The following TENM2 variants were observed in gnomAD, a reference collection of about 807,000 sequenced individuals.
TENM2 encodes the protein teneurin transmembrane protein 2, also known as teneurin-2.
A neutral mutation model predicts 245.2 loss-of-function variants in TENM2; 52 were observed. That is an observed-to-expected ratio of 0.21 (90% CI 0.17 to 0.27). The LOEUF is 0.27. Ranked by LOEUF, TENM2 falls within the 10% of genes least tolerant of loss-of-function variation. The pLI, the probability that TENM2 is intolerant of heterozygous loss-of-function variation, is 1.00. For missense variants in TENM2, 3,046 were observed against 3,666.8 expected, an observed-to-expected ratio of 0.83 and a Z score of 4.37; for synonymous variants, 1,363 against 1,438.9, an observed-to-expected ratio of 0.95 and a Z score of 1.19.
intron 2 of TENM2, among the ~76,000 whole-genome samples, chr5:167,820,370 A>G (rs1453890772): frequency 6.6e-6 from 1 of 152,194 alleles, no homozygotes; most frequent in Non-Finnish European, 1.5e-5. Flanking sequence ...CGCTTTGTGC[A>G]GGCTTGCTGA....
the TENM2 span, among the ~76,000 whole-genome samples, chr5:167,068,693 A>G: frequency 6.6e-6 from 1 of 152,086 alleles, no homozygotes. Flanking sequence ...TTGAAATGGT[A>G]TCACATACAT....
At chr5:168,065,765 G>A (rs372341783) in intron 7 of TENM2, among the ~76,000 whole-genome samples, 3 of 149,546 alleles carry the variant, frequency 2.0e-5, no homozygotes, top group African/African-American at 7.4e-5. Flanking sequence ...TTTGCTAAAT[G>A]TTTATATATT....
At chr5:168,182,424 G>A (rs748997744) in intron 13 of TENM2, among the ~76,000 whole-genome samples, 8 of 152,112 alleles carry the variant, frequency 5.3e-5, no homozygotes, top group African/African-American at 1.7e-4. Context: ...CCTTCTTAGA[G>A]CACCTCTGTG....
chr5:167,290,582 A>G (rs1050478056), intron 1 of TENM2, among the ~76,000 whole-genome samples: 3 of 152,180 alleles, frequency 2.0e-5, no homozygotes, highest in Non-Finnish European at 4.4e-5. Flanking sequence ...TCAAACTCAG[A>G]ACTTTTTTCC....
At chr5:167,874,463 A>C (rs537367283) in intron 2 of TENM2, among the ~76,000 whole-genome samples, 1 of 152,316 alleles carries the variant, frequency 6.6e-6, no homozygotes, top group African/African-American at 2.4e-5. Context: ...TCAGCAGTAC[A>C]TCTAAAAGCA....
the TENM2 span, among the ~76,000 whole-genome samples, chr5:167,161,736 A>G: frequency 6.6e-6 from 1 of 152,324 alleles, no homozygotes; most frequent in South Asian, 2.1e-4. Flanking sequence ...TGTTAAATTG[A>G]AACACTGTAA....
At chr5:167,923,822 G>A (rs1483781158) in intron 3 of TENM2, among the ~76,000 whole-genome samples, 1 of 152,032 alleles carries the variant, frequency 6.6e-6, no homozygotes, top group African/African-American at 2.4e-5. Context: ...ACTGTCTTAT[G>A]TTGTCCCACC....
At chr5:167,079,679 T>C in the TENM2 span, among the ~76,000 whole-genome samples, 8 of 152,112 alleles carry the variant, frequency 5.3e-5, no homozygotes, top group South Asian at 6.2e-4. Flanking sequence ...CACATCGGTA[T>C]GTGAAATGCC....
chr5:168,201,164 C>T (rs1017603443), intron 17 of TENM2, among the ~76,000 whole-genome samples: 2 of 151,952 alleles, frequency 1.3e-5, no homozygotes, highest in Non-Finnish European at 2.9e-5. Context: ...CAGAATACAG[C>T]CCTGGGGGTC....
chr5:168,214,397 A>G (rs1763017078), intron 20 of TENM2, among the ~76,000 whole-genome samples: 1 of 152,218 alleles, frequency 6.6e-6, no homozygotes, highest in Admixed American at 6.5e-5. Context: ...TGAAAAGTGC[A>G]TCTCCTGTCT....
At chr5:168,224,585 C>T (rs1026098301) in intron 23 of TENM2, among the ~76,000 whole-genome samples, 6 of 152,142 alleles carry the variant, frequency 3.9e-5, no homozygotes, top group Non-Finnish European at 8.8e-5. Context: ...CAGGCCACAG[C>T]GGTCCTTTCC....
chr5:168,112,513 C>T (rs1178198488), intron 9 of TENM2, among the ~76,000 whole-genome samples: 1 of 149,814 alleles, frequency 6.7e-6, no homozygotes, highest in Non-Finnish European at 1.5e-5. Context: ...TAATGGCCTC[C>T]AGCTCCATCC....
At chr5:167,673,971 G>C (rs1240235181) in intron 2 of TENM2, among the ~76,000 whole-genome samples, 1 of 152,104 alleles carries the variant, frequency 6.6e-6, no homozygotes, top group African/African-American at 2.4e-5. Flanking sequence ...GAATAACTGA[G>C]ATAGCATGGG....
chr5:167,819,967 A>G (rs1767382218), intron 2 of TENM2, among the ~76,000 whole-genome samples: 1 of 152,114 alleles, frequency 6.6e-6, no homozygotes, highest in Non-Finnish European at 1.5e-5. Context: ...TCAATCTTCC[A>G]TGAATTCATC....
At chr5:167,958,008 A>G (rs570177587) in intron 4 of TENM2, among the ~76,000 whole-genome samples, 1 of 152,302 alleles carries the variant, frequency 6.6e-6, no homozygotes, top group African/African-American at 2.4e-5. Flanking sequence ...TCCAGAGCTG[A>G]GTTCAAGTCC....
the TENM2 span, among the ~76,000 whole-genome samples, chr5:167,004,941 A>C: frequency 6.6e-6 from 1 of 152,148 alleles, no homozygotes; most frequent in Non-Finnish European, 1.5e-5. Context: ...AACTGACTTT[A>C]CTTTCCAGCT....
chr5:167,568,159 C>T (rs958889810), intron 2 of TENM2, among the ~76,000 whole-genome samples: 3 of 152,010 alleles, frequency 2.0e-5, no homozygotes, highest in Admixed American at 1.3e-4. Flanking sequence ...AAAATGTTCT[C>T]GGCAATGGGT....
At chr5:167,431,830 A>G (rs914755671) in intron 2 of TENM2, among the ~76,000 whole-genome samples, 5 of 150,858 alleles carry the variant, frequency 3.3e-5, no homozygotes, top group African/African-American at 9.8e-5. Flanking sequence ...TATGAATAAA[A>G]TAGGAATTTT....
chr5:167,440,654 G>A (rs1470977601), intron 2 of TENM2, among the ~76,000 whole-genome samples: 3 of 151,994 alleles, frequency 2.0e-5, no homozygotes, highest in African/African-American at 7.2e-5. Context: ...TGAATCCTGG[G>A]CAACCTTTGA....
Sources: allele counts gnomAD v4.1 joint callset (sites outside exome capture counted in the v4.1 genomes callset), GRCh38; gene constraint gnomAD v4.1.1; transcripts MANE v1.5; gene names NCBI Gene and HGNC (gene_info 2026-07-23, HGNC 2026-07-21).